BAIAP3: variants seen among roughly 807,000 people sequenced by gnomAD.
The protein encoded by BAIAP3 is BAI1 associated protein 3.
Under a neutral mutation model 149.7 loss-of-function variants are expected in BAIAP3, and 180 were observed. The observed-to-expected ratio is 1.20, with a 90% CI of 1.07 to 1.36. BAIAP3 has a LOEUF of 1.36. Ranked by LOEUF, BAIAP3 falls within the 40% of genes most tolerant of loss-of-function variation. The probability of loss-of-function intolerance (pLI) is 0.00; values close to 1 mark genes in which losing one functional copy is unlikely to be tolerated. For synonymous variants in BAIAP3, 845 were observed against 670.7 expected (o/e 1.26, Z -4.02); for missense variants, 1,767 against 1,563.4 (o/e 1.13, Z -2.20).
Position 1,345,317 on chromosome 16 carries a change from A to G in BAIAP3, c.2009A>G (p.Gln670Arg). The G allele has an allele frequency of 6.2e-7, 1 of 1,613,076 alleles. No individual in the cohort carries two copies. The highest frequency in any genetic ancestry group is 8.5e-7 in the Non-Finnish European group (1 of 1,179,908). ...PFLPAVKLWF[Q>R]VLRDQAKWRL... ...CTGCCTGCTGTGAAGCTCTGGTTCC[A>G]AGTGCTGAGGGACCAGGCCAAGTGG... is the stretch of plus-strand genomic sequence containing the variant. The change falls in exon 22 of 34, where the codon CAA (glutamine) becomes CGA (arginine). Residue 670 changes from glutamine (Q) to arginine (R), a missense_variant. Coordinates refer to ENST00000426824, the MANE Select transcript of BAIAP3 (RefSeq NM_001199097.2).
intron 22 of BAIAP3, 110 bp from the exon 23 acceptor site, chr16:1,345,637 A>G: frequency 4.6e-6 from 1 of 216,730 alleles, no homozygotes; most frequent in South Asian, 5.3e-5. Flanking sequence ...CCACAACCCC[A>G]GCCTCCCCGG....
chr16:1,345,164 G>C, intron 21 of BAIAP3, 65 bp downstream of exon 21: 15 of 1,610,224 alleles, frequency 9.3e-6, no homozygotes, highest in Admixed American at 1.7e-5. Context: ...ACCTGTGAGG[G>C]GGACGGTCCT....
intron 1 of BAIAP3, among the ~76,000 whole-genome samples, chr16:1,337,896 G>C (rs1390830202): frequency 6.6e-6 from 1 of 152,214 alleles, no homozygotes; most frequent in Non-Finnish European, 1.5e-5. Context: ...GTCCACCTCA[G>C]GTTTGCTGAC....
At chr16:1,338,771 C>T (rs1401113647) in intron 2 of BAIAP3, 91 bp downstream of exon 2, 39 of 1,571,148 alleles carry the variant, frequency 2.5e-5, no homozygotes, top group South Asian at 2.1e-4. Context: ...CACCCCTGGG[C>T]GGGAAGGAGG....
Position 1,347,972 on chromosome 16 carries a change from T to G in BAIAP3, c.3104T>G (p.Val1035Gly), listed in dbSNP as rs759683527. The change falls in exon 32 of 34, where the codon GTG becomes GGG. Residue 1035 changes from valine (V) to glycine (G), a missense_variant. Transcript: ENST00000426824. ...FPLVRSQRTQ[V>G]KTRTLHPVYD... ...CTGGTCCGCAGCCAGAGGACCCAGG[T>G]GAAGACCCGGACGCTGCACCCTGTA... 3 of 1,611,734 alleles carry G rather than the reference T, an allele frequency of 1.9e-6. No individual in the cohort carries two copies. In the Admixed American group the frequency reaches 5.0e-5, roughly 27 times the overall value.
At position 1,348,662 on chromosome 16, in the gene BAIAP3, T is replaced by C. The variant is rs1035292030; in HGVS notation, c.*180T>C. On this transcript the variant is annotated 3_prime_UTR_variant, in exon 34 of 34. Coordinates refer to ENST00000426824, the MANE Select transcript of BAIAP3 (RefSeq NM_001199097.2). ...CTGGCCGTGTCTGTCTGGTGTGTGC[T>C]GTGAACCCCTGCACCCAACCCCACA... The C allele has an allele frequency of 3.1e-6, 2 of 648,172 alleles. No individual in the cohort carries two copies. The highest frequency in any genetic ancestry group is 2.7e-5 in the Admixed American group (1 of 36,384). The allele number at this position is 648,172 out of a possible 1,614,324, so 40.2% of individuals were successfully genotyped here.
At chr16:1,339,320 G>A in intron 4 of BAIAP3, 76 bp downstream of exon 4, 1 of 1,530,310 alleles carries the variant, frequency 6.5e-7, no homozygotes, top group East Asian at 2.4e-5. Context: ...CACCTACTGT[G>A]TGCACAGGGT....
At chr16:1,347,194 G>C (rs1378566885) in intron 28 of BAIAP3, 104 bp from the exon 29 acceptor site, 1 of 1,225,456 alleles carries the variant, frequency 8.2e-7, no homozygotes, top group East Asian at 2.5e-5. Flanking sequence ...GCCCTTGGCT[G>C]CTGAGCCCCC....
In BAIAP3 at chr16:1,344,320, G is replaced by T. The variant is rs2034159079; in HGVS notation, c.1602+3G>T. ...TGGACATTGCTGCGGCCCTGAAGGT[G>T]TGTTCCAAAGCCCAGTGGAGGCCGG... On this transcript the variant is annotated splice_donor_region_variant and intron_variant, in intron 17 of 33. Transcript: ENST00000426824. The T allele has an allele frequency of 6.2e-7, 1 of 1,613,796 alleles. No individual in the cohort carries two copies.
Position 1,339,527 on chromosome 16 carries a change from CG to C in BAIAP3, c.334del (p.Val112CysfsTer41). 6.2e-7 allele frequency: 1 copy of C among 1,612,340 alleles called. No individual in the cohort carries two copies. The highest frequency in any genetic ancestry group is 8.5e-7 in the Non-Finnish European group (1 of 1,179,542). ...ATGCTCTACGAGGAGGCCCTGTACA[CG>C]GTGCTTTACCGCGCGGGTACCATGG... ...VEMLYEEALY[T>X]VLYRAGTMGP... On this transcript the variant is annotated frameshift_variant, in exon 5 of 34. Coordinates refer to ENST00000426824, the MANE Select transcript of BAIAP3 (RefSeq NM_001199097.2). LOFTEE classifies it high-confidence loss of function.
chr16:1,343,914 G>A, intron 15 of BAIAP3, 108 bp from the exon 16 acceptor site: 1 of 1,531,348 alleles, frequency 6.5e-7, no homozygotes, highest in Non-Finnish European at 8.8e-7. Context: ...GAGCAGAGCT[G>A]GGCTGACCAT....
chr16:1,344,330 G>GT lies in BAIAP3; in HGVS notation c.1602+13_1602+14insT, dbSNP rs2034160017. ...TGCGGCCCTGAAGGTGTGTTCCAAA[G>GT]CCCAGTGGAGGCCGGCTGCTAAGCC... is the stretch of plus-strand genomic sequence containing the variant. On this transcript the variant is annotated intron_variant, in intron 17 of 33. Transcript: ENST00000426824. The GT allele has an allele frequency of 6.2e-7, 1 of 1,613,608 alleles. No homozygotes were observed. Among genetic ancestry groups the GT allele is most frequent in the African/African-American group, 1.3e-5 (1 of 74,936 alleles).
intron 1 of BAIAP3, chr16:1,336,341 G>GC (rs541943194): frequency 6.1e-6 from 6 of 985,248 alleles, no homozygotes; most frequent in South Asian, 4.7e-5. Flanking sequence ...AGCCTACCAA[G>GC]CCCCCCCATC....
chr16:1,334,758 T>C, intron 1 of BAIAP3: 1 of 1,550,726 alleles, frequency 6.4e-7, no homozygotes, highest in South Asian at 1.2e-5. Flanking sequence ...GAGGAGTCGG[T>C]GAGACCAGGG....
rs1457265476 is a variant in BAIAP3 at position 1,348,838 on chromosome 16, C to T, written c.*356C>T. The T allele has an allele frequency of 2.0e-5, 8 of 407,694 alleles. No homozygotes were observed. Among genetic ancestry groups the T allele is most frequent in the Non-Finnish European group, 3.2e-5 (7 of 220,310 alleles). 25.3% of individuals were successfully genotyped at this position (407,694 alleles called of 1,614,324 possible). On this transcript the variant is annotated 3_prime_UTR_variant, in exon 34 of 34. Transcript: ENST00000426824. ...GGTGGGCAGCTGGTCTCCAGGGACT[C>T]AGTGAGTGGCTGTGCTCTCTGCACA...
At chr16:1,347,454 C>T (rs2034455898) in intron 29 of BAIAP3, 85 bp downstream of exon 29, 1 of 1,586,276 alleles carries the variant, frequency 6.3e-7, no homozygotes, top group South Asian at 1.1e-5. Flanking sequence ...TGTCCTTGAG[C>T]ATGAGGTGGC....
At chr16:1,345,691 CACCT>C in intron 22 of BAIAP3, 52 bp from the exon 23 acceptor site, 1 of 997,146 alleles carries the variant, frequency 1.0e-6, no homozygotes, top group Non-Finnish European at 1.4e-6. Flanking sequence ...CCGCCTCCCC[CACCT>C]CCCCAGCCTC....
chr16:1,338,470 C>A (rs140582205), intron 1 of BAIAP3, 70 bp from the exon 2 acceptor site: 1 of 868,508 alleles, frequency 1.2e-6, no homozygotes, highest in Non-Finnish European at 1.5e-6. Context: ...CCCCCCACCC[C>A]CCCGCCTGCT....
rs1371756379 is a variant in BAIAP3, at chr16:1,342,645, TG to T, written c.1065+14del. ...CTGATCACTACGCAGGTGGGGAAAG[TG>T]GGCGTCCCCGTCCTCCACCCCCGTC... On this transcript the variant is annotated intron_variant, in intron 12 of 33. Transcript: ENST00000426824. 6.3e-7 allele frequency: 1 copy of T among 1,596,506 alleles called. No homozygotes were observed. Among genetic ancestry groups the T allele is most frequent in the Non-Finnish European group, 8.5e-7 (1 of 1,172,392 alleles).
Sources: allele counts gnomAD v4.1 joint callset (sites outside exome capture counted in the v4.1 genomes callset), GRCh38; gene constraint gnomAD v4.1.1; transcripts MANE v1.5; gene names NCBI Gene and HGNC (gene_info 2026-07-23, HGNC 2026-07-21).